DCC: variants seen among roughly 807,000 people sequenced by gnomAD.
DCC encodes the protein DCC netrin 1 receptor, also known as netrin receptor DCC.
In DCC, 58 loss-of-function variants were observed where a neutral mutation model predicts 172.5. The ratio of observed to expected loss-of-function variants is 0.34; its 90% confidence interval spans 0.27 to 0.42. The LOEUF is 0.42. DCC is among the 10% of genes least tolerant of loss of function. The pLI is 1.00. For synonymous variants in DCC, 709 were observed against 644.5 expected (o/e 1.10, Z -1.52); for missense variants, 1,740 against 1,791.0 (o/e 0.97, Z 0.51).
chr18:52,591,445 C>T (rs1189375835), intron 1 of DCC, among the ~76,000 whole-genome samples: 1 of 151,948 alleles, frequency 6.6e-6, no homozygotes, highest in Non-Finnish European at 1.5e-5. Flanking sequence ...GCATGAAAGT[C>T]AATTATAACA....
At chr18:52,354,801 C>T (rs2144253796) in intron 1 of DCC, among the ~76,000 whole-genome samples, 1 of 152,188 alleles carries the variant, frequency 6.6e-6, no homozygotes, top group Admixed American at 6.5e-5. Flanking sequence ...TATTACTTGC[C>T]TCTTCTTTAG....
At chr18:53,117,572 A>G (rs2043425847) in intron 7 of DCC, among the ~76,000 whole-genome samples, 1 of 151,776 alleles carries the variant, frequency 6.6e-6, no homozygotes, top group South Asian at 2.1e-4. Flanking sequence ...TATGCAGACA[A>G]CTATGAGAGA....
At chr18:53,016,371 A>AC (rs2041807861) in intron 5 of DCC, among the ~76,000 whole-genome samples, 1 of 152,230 alleles carries the variant, frequency 6.6e-6, no homozygotes, top group Admixed American at 6.5e-5. Flanking sequence ...GCAAAATAGA[A>AC]CATGCCTTTG....
At chr18:52,984,820 A>G (rs974056477) in intron 5 of DCC, among the ~76,000 whole-genome samples, 1 of 152,132 alleles carries the variant, frequency 6.6e-6, no homozygotes, top group African/African-American at 2.4e-5. Flanking sequence ...TGTGCCTCTC[A>G]AGCATGACGG....
intron 17 of DCC, among the ~76,000 whole-genome samples, chr18:53,396,649 T>C (rs777041356): frequency 9.2e-5 from 14 of 152,230 alleles, no homozygotes; most frequent in Non-Finnish European, 1.9e-4. Context: ...TCATGTTCTC[T>C]ATAAGATGTA....
chr18:53,490,083 TGGGAAGGCTG>T (rs567439410), intron 26 of DCC, among the ~76,000 whole-genome samples: 1 of 152,284 alleles, frequency 6.6e-6, no homozygotes, highest in Admixed American at 6.5e-5. Context: ...TCTTAACTAG[TGGGAAGGCTG>T]GTCAGCTTTA....
intron 15 of DCC, among the ~76,000 whole-genome samples, chr18:53,345,630 C>G (rs2057714711): frequency 6.6e-6 from 1 of 152,122 alleles, no homozygotes; most frequent in Admixed American, 6.6e-5. Flanking sequence ...GAAAATCTTC[C>G]TTTACCATTT....
At chr18:52,849,590 C>G (rs956255230) in intron 2 of DCC, among the ~76,000 whole-genome samples, 16 of 152,142 alleles carry the variant, frequency 1.1e-4, no homozygotes, top group African/African-American at 3.9e-4. Flanking sequence ...ATCTTTTGTA[C>G]CTATTTCCAA....
intron 1 of DCC, among the ~76,000 whole-genome samples, chr18:52,590,777 T>G (rs2033781811): frequency 6.6e-6 from 1 of 152,270 alleles, no homozygotes; most frequent in African/African-American, 2.4e-5. Flanking sequence ...TAAATACTTG[T>G]GCTTAATTAA....
rs557995050 is a variant in DCC at position 53,376,948 on chromosome 18, G to C, written c.2360-9095G>C. Among the ~76,000 whole-genome samples, 157 of 152,142 alleles carry C rather than the reference G, an allele frequency of 1.0e-3. 2 individuals carry two copies. The highest frequency in any genetic ancestry group is 3.6e-3 in the African/African-American group (151 of 41,516). On this transcript the variant is annotated intron_variant, in intron 15 of 28. Transcript: ENST00000442544. The stretch of plus-strand genomic sequence containing the variant: ...TTACCACCTCAGTTCAGGCCCCTAT[G>C]GTCTTTGCCCAGACAATTGCAATAG...
chr18:53,454,261 C>G (rs923509249), intron 23 of DCC, among the ~76,000 whole-genome samples: 9 of 152,178 alleles, frequency 5.9e-5, no homozygotes, highest in Non-Finnish European at 1.3e-4. Context: ...TGGGGGATCA[C>G]TTAAGCCTGG....
chr18:52,422,629 A>G (rs1179843707), intron 1 of DCC, among the ~76,000 whole-genome samples: 2 of 152,158 alleles, frequency 1.3e-5, no homozygotes, highest in African/African-American at 2.4e-5. Context: ...AATATTTCTC[A>G]CATTCATTCC....
chr18:53,013,027 A>T (rs952862632), intron 5 of DCC, among the ~76,000 whole-genome samples: 7 of 152,196 alleles, frequency 4.6e-5, no homozygotes, highest in African/African-American at 1.4e-4. Context: ...ATGAGATACC[A>T]TTTCATACCG....
At chr18:52,367,090 G>A (rs564683518) in intron 1 of DCC, among the ~76,000 whole-genome samples, 21 of 152,348 alleles carry the variant, frequency 1.4e-4, no homozygotes, top group African/African-American at 4.3e-4. Flanking sequence ...CGAGCGCAGC[G>A]CCGGTGGGCT....
intron 26 of DCC, 54 bp from the exon 27 acceptor site, chr18:53,499,244 G>T (rs62098324): frequency 6.3e-7 from 1 of 1,588,576 alleles, no homozygotes; most frequent in South Asian, 1.1e-5. Context: ...AGTGACTTAA[G>T]GAAAACAGAC....
In DCC at chr18:52,863,786, CAAATT is replaced by C. The variant is rs549534974; in HGVS notation, c.413-42252_413-42248del. Among the ~76,000 whole-genome samples the C allele has an allele frequency of 2.1e-3, 324 of 152,054 alleles. 2 individuals carry two copies. The highest frequency in any genetic ancestry group is 7.4e-3 in the African/African-American group (308 of 41,546). On this transcript the variant is annotated intron_variant, in intron 2 of 28. Coordinates refer to ENST00000442544, the MANE Select transcript of DCC (RefSeq NM_005215.4). ...CATAAGACAAATCTAGCCATCATCT[CAAATT>C]AAATTTTCTATTAATCATTTTTGTA... is the stretch of plus-strand genomic sequence containing the variant.
At chr18:53,274,289 G>T (rs183232095) in intron 12 of DCC, among the ~76,000 whole-genome samples, 2 of 152,194 alleles carry the variant, frequency 1.3e-5, no homozygotes, top group East Asian at 3.9e-4. Context: ...TGTTTCATGT[G>T]CAGGAGCTAC....
chr18:53,374,236 A>T (rs1475506567), intron 15 of DCC, among the ~76,000 whole-genome samples: 1 of 152,208 alleles, frequency 6.6e-6, no homozygotes, highest in Non-Finnish European at 1.5e-5. Flanking sequence ...GTGGCCAGTG[A>T]CTACCACATT....
At chr18:53,219,731 C>A (rs1369541045) in intron 12 of DCC, among the ~76,000 whole-genome samples, 1 of 152,132 alleles carries the variant, frequency 6.6e-6, no homozygotes, top group Admixed American at 6.6e-5. Context: ...TAAAGTGTCT[C>A]ACTCTCCCTT....
Sources: allele counts gnomAD v4.1 joint callset (sites outside exome capture counted in the v4.1 genomes callset), GRCh38; gene constraint gnomAD v4.1.1; transcripts MANE v1.5; gene names NCBI Gene and HGNC (gene_info 2026-07-23, HGNC 2026-07-21).